The following FBXL13 variants were observed in gnomAD, a reference collection of about 807,000 sequenced individuals.
The protein encoded by FBXL13 is F-box and leucine rich repeat protein 13.
FBXL13 carries 67 observed loss-of-function variants against 83.6 expected under a neutral mutation model. That is an observed-to-expected ratio of 0.80 (90% CI 0.66 to 0.98). The LOEUF (loss-of-function observed/expected upper bound fraction) is 0.98. Ranked by LOEUF, FBXL13 falls within the 50% of genes least tolerant of loss-of-function variation. FBXL13 has a pLI of 0.00. For missense variants in FBXL13, 822 were observed against 866.5 expected, an observed-to-expected ratio of 0.95 and a Z score of 0.64; for synonymous variants, 272 against 299.5, an observed-to-expected ratio of 0.91 and a Z score of 0.95.
chr7:102,849,562 A>G (rs1351251014), intron 17 of FBXL13, among the ~76,000 whole-genome samples: 2 of 152,236 alleles, frequency 1.3e-5, no homozygotes, highest in Non-Finnish European at 2.9e-5. Flanking sequence ...AAGTAACGAG[A>G]GAGCATTCTT....
Position 102,955,609 on chromosome 7 carries a change from T to A in FBXL13, c.724+7924A>T, listed in dbSNP as rs561838473. Among the ~76,000 whole-genome samples, 641 of 150,316 alleles carry A rather than the reference T, an allele frequency of 4.3e-3. 3 individuals carry two copies. Among genetic ancestry groups the A allele is most frequent in the African/African-American group, 0.014 (583 of 41,080 alleles). On this transcript the variant is annotated intron_variant, in intron 8 of 19. Transcript: ENST00000313221. The stretch of plus-strand genomic sequence containing the variant: ...ACAATGAATCCAGGAGTTTTTTTTT[T>A]AAAAAGATCAACAGAATTGACAGAC...
rs576095253 is a variant in FBXL13, at chr7:103,030,747, A to T, written c.1-1329T>A. Reference sequence around the variant, plus strand: ...ATTCAGCAAATACCATTTGAACTCAAGTTTTCTTTTCTGATGATCAACTCT... The same window carrying T: ...ATTCAGCAAATACCATTTGAACTCATGTTTTCTTTTCTGATGATCAACTCT... On this transcript the variant is annotated intron_variant, in intron 2 of 19. Coordinates refer to ENST00000313221, the Ensembl canonical transcript of FBXL13. Among the ~76,000 whole-genome samples, 4 of 152,306 alleles carry T rather than the reference A, an allele frequency of 2.6e-5. No individual in the cohort carries two copies. In the East Asian group the frequency reaches 5.8e-4, roughly 22 times the overall value.
intron 8 of FBXL13, chr7:102,934,472 G>A (rs754704804): frequency 1.9e-6 from 3 of 1,613,994 alleles, no homozygotes; most frequent in Non-Finnish European, 2.5e-6. Context: ...CCGGAATTTG[G>A]GGAACTACGC....
intron 1 of FBXL13, chr7:103,074,103 G>A (rs568262789): frequency 2.4e-4 from 84 of 350,980 alleles, no homozygotes; most frequent in African/African-American, 1.8e-3. Context: ...CCTTCCTGTT[G>A]TCTAAAGGCA....
chr7:102,858,341 A>G (rs1806331071), intron 16 of FBXL13, among the ~76,000 whole-genome samples: 1 of 152,218 alleles, frequency 6.6e-6, no homozygotes, highest in African/African-American at 2.4e-5. Flanking sequence ...ATAGTTTAAT[A>G]GGAGGAATGA....
At chr7:102,915,009 C>T (rs1205664820) in intron 10 of FBXL13, among the ~76,000 whole-genome samples, 1 of 152,100 alleles carries the variant, frequency 6.6e-6, no homozygotes, top group African/African-American at 2.4e-5. Context: ...GTGCAAAATA[C>T]ACAAGGTTTT....
intron 2 of FBXL13, among the ~76,000 whole-genome samples, chr7:103,039,009 A>G (rs528160108): frequency 6.6e-6 from 1 of 152,294 alleles, no homozygotes; most frequent in African/African-American, 2.4e-5. Flanking sequence ...AAGGTGGGTA[A>G]TAACAAACTT....
intron 8 of FBXL13, among the ~76,000 whole-genome samples, chr7:102,951,572 C>G (rs1335044758): frequency 6.6e-6 from 1 of 151,710 alleles, no homozygotes; most frequent in Non-Finnish European, 1.5e-5. Flanking sequence ...TTTTGGGAGG[C>G]TGAGGCAGGA....
intron 6 of FBXL13, chr7:102,973,705 A>G (rs780039903): frequency 2.6e-6 from 2 of 766,308 alleles, no homozygotes; most frequent in Non-Finnish European, 4.8e-6. Context: ...GCAGCCGGAC[A>G]AAGGAAGCTC....
intron 15 of FBXL13, 43 bp from the exon 17 acceptor site, chr7:102,877,636 T>C (rs545354734): frequency 1.9e-6 from 3 of 1,574,468 alleles, no homozygotes; most frequent in South Asian, 2.4e-5. Flanking sequence ...GTCAATCATA[T>C]TGTCAGTAAG....
chr7:102,826,946 C>T (rs1336214274), intron 18 of FBXL13: 16 of 282,156 alleles, frequency 5.7e-5, no homozygotes, highest in South Asian at 9.1e-5. Context: ...AGAGCTCTAT[C>T]GTATTATTTT....
In FBXL13 at chr7:102,878,422, G is replaced by T. The variant is rs199732318; in HGVS notation, c.1417C>A (p.Leu473Ile). 138 of 1,607,172 alleles carry T rather than the reference G, an allele frequency of 8.6e-5. No individual in the cohort carries two copies. The highest frequency in any genetic ancestry group is 1.6e-4 in the East Asian group (7 of 44,508). ...ATCCTCATGCTTGCAGGACCATCAA[G>T]AAATTGCTTTAGTCCCATATCACCA... The change falls in exon 15 of 20, where the codon CTT becomes ATT. Residue 473 changes from leucine (L) to isoleucine (I), a missense_variant. Transcript: ENST00000313221.
At chr7:102,843,881 G>A (rs1803467618) in intron 17 of FBXL13, among the ~76,000 whole-genome samples, 1 of 152,214 alleles carries the variant, frequency 6.6e-6, no homozygotes, top group Admixed American at 6.5e-5. Context: ...AATGAGAGAA[G>A]TGGAGGTTCT....
At chr7:102,850,202 A>G (rs1804963882) in intron 17 of FBXL13, among the ~76,000 whole-genome samples, 1 of 152,274 alleles carries the variant, frequency 6.6e-6, no homozygotes, top group Non-Finnish European at 1.5e-5. Context: ...GCACCTAAAA[A>G]TAGTACAATT....
intron 8 of FBXL13, among the ~76,000 whole-genome samples, chr7:102,963,084 C>T (rs189012453): frequency 0.022 from 3,350 of 150,136 alleles, 146 homozygotes; most frequent in East Asian, 0.16. Context: ...TTTGGGAGGC[C>T]GAGGCGGGTG....
At chr7:102,933,034 T>C (rs938038833) in intron 8 of FBXL13, 1 of 152,184 alleles carries the variant, frequency 6.6e-6, no homozygotes, top group Admixed American at 6.5e-5. Flanking sequence ...ACAAAAGAAG[T>C]TAAATACCAT....
intron 8 of FBXL13, among the ~76,000 whole-genome samples, chr7:102,955,207 G>A (rs1051298537): frequency 6.6e-6 from 1 of 152,190 alleles, no homozygotes; most frequent in Admixed American, 6.5e-5. Context: ...AGACCACAGT[G>A]TAATCAAATT....
intron 6 of FBXL13, among the ~76,000 whole-genome samples, chr7:102,970,241 A>G (rs1328121079): frequency 1.3e-5 from 2 of 152,146 alleles, no homozygotes; most frequent in Non-Finnish European, 2.9e-5. Flanking sequence ...ACAGAGCAAG[A>G]CTCTGTCTCA....
chr7:103,015,464 T>C (rs959995341), intron 6 of FBXL13, among the ~76,000 whole-genome samples: 9 of 152,206 alleles, frequency 5.9e-5, no homozygotes, highest in Non-Finnish European at 4.4e-5. Flanking sequence ...CAAAAGTTCT[T>C]TGATCTGACA....
Sources: gnomAD v4.1 joint callset for allele counts (sites outside exome capture counted in the v4.1 genomes callset) on GRCh38, gnomAD v4.1.1 for gene constraint, MANE v1.5 for transcripts, NCBI Gene and HGNC (gene_info 2026-07-23, HGNC 2026-07-21) for gene names.